Variants in LOXHD1 observed in about 807,000 individuals in gnomAD.
The protein encoded by LOXHD1 is lipoxygenase homology PLAT domains 1, also known as lipoxygenase homology domain-containing protein 1.
LOXHD1 carries 205 observed loss-of-function variants against 248.2 expected under a neutral mutation model. The ratio of observed to expected loss-of-function variants is 0.83; its 90% CI spans 0.74 to 0.93. The LOEUF (loss-of-function observed/expected upper bound fraction) is 0.93, where lower values mean the gene tolerates loss of function less well. Among genes scored for constraint, LOXHD1 ranks in the 40% least tolerant of loss-of-function variants. LOXHD1 has a pLI of 0.00. For synonymous variants in LOXHD1, 1,113 were observed against 1,162.8 expected, an observed-to-expected ratio of 0.96 and a Z score of 0.87; for missense variants, 2,930 against 2,971.6, an observed-to-expected ratio of 0.99 and a Z score of 0.33.
chr18:46,482,263 A>G (rs1013762641), intron 40 of LOXHD1, among the ~76,000 whole-genome samples: 7 of 152,202 alleles, frequency 4.6e-5, no homozygotes, highest in Non-Finnish European at 7.4e-5. Flanking sequence ...GGAACCCCCA[A>G]TGCCATGGTA....
In LOXHD1 at chr18:46,557,438, G is replaced by A. The variant is rs923695698; in HGVS notation, c.3268C>T (p.Arg1090Trp). The A allele has an allele frequency of 6.4e-7, 1 of 1,552,152 alleles. No individual in the cohort carries two copies. Among genetic ancestry groups the A allele is most frequent in the Non-Finnish European group, 8.7e-7 (1 of 1,147,108 alleles). Residue 1090 changes from arginine to tryptophan, a missense_variant, in exon 21 of 41, where the codon CGG becomes TGG. Coordinates refer to ENST00000642948, the MANE Select transcript of LOXHD1 (RefSeq NM_001384474.1). ...TTGCCTGTGTTGTCGTGGCGAATCC[G>A]AATCTTGGTCAGGGCCCCCAGGTCA... ...AIDLGALTKI[R>W]IRHDNTGNRA...
chr18:46,622,942 A>G (rs889203263), intron 4 of LOXHD1, among the ~76,000 whole-genome samples: 1 of 152,208 alleles, frequency 6.6e-6, no homozygotes, highest in Non-Finnish European at 1.5e-5. Flanking sequence ...GTTGGAAGAG[A>G]GGCTAGCACT....
chr18:46,480,648 G>A (rs2032483594), intron 40 of LOXHD1, among the ~76,000 whole-genome samples: 1 of 152,170 alleles, frequency 6.6e-6, no homozygotes, highest in South Asian at 2.1e-4. Flanking sequence ...AGAAAGGGGG[G>A]AAGGTGTCCA....
chr18:46,597,542 G>GCACACA (rs1491182198), intron 8 of LOXHD1, among the ~76,000 whole-genome samples: 886 of 61,118 alleles, frequency 0.014, 5 homozygotes, highest in Middle Eastern at 0.04. Flanking sequence ...AGTGGTACAT[G>GCACACA]CGCACACACA....
At chr18:46,516,514 G>T (rs992446623) in intron 34 of LOXHD1, among the ~76,000 whole-genome samples, 1 of 152,116 alleles carries the variant, frequency 6.6e-6, no homozygotes, top group Non-Finnish European at 1.5e-5. Flanking sequence ...GAGCTGCTCC[G>T]TCCATGAAAA....
At chr18:46,532,637 C>T (rs980479866) in intron 28 of LOXHD1, among the ~76,000 whole-genome samples, 4 of 152,162 alleles carry the variant, frequency 2.6e-5, no homozygotes, top group South Asian at 2.1e-4. Context: ...GAAGAATGGA[C>T]GTGTTAACCA....
intron 22 of LOXHD1, 60 bp from the exon 23 acceptor site, chr18:46,545,481 A>G (rs866372213): frequency 3.9e-6 from 5 of 1,289,868 alleles, no homozygotes; most frequent in South Asian, 2.5e-5. Flanking sequence ...GAAAGGAGGA[A>G]AGAGGACAGC....
intron 37 of LOXHD1, among the ~76,000 whole-genome samples, chr18:46,502,430 G>A (rs2034292417): frequency 1.3e-5 from 2 of 152,190 alleles, no homozygotes; most frequent in Admixed American, 1.3e-4. Context: ...AAGCAGAGAT[G>A]AGCTCTGATC....
At chr18:46,560,676 CTGTGCTCAGA>C in intron 18 of LOXHD1, 131 bp from the exon 19 acceptor site, 1 of 837,470 alleles carries the variant, frequency 1.2e-6, no homozygotes, top group Non-Finnish European at 1.8e-6. Flanking sequence ...GCTGGGGCCT[CTGTGCTCAGA>C]TCCTTCCACC....
chr18:46,566,671 C>T (rs113316287), intron 16 of LOXHD1, among the ~76,000 whole-genome samples: 5,882 of 152,276 alleles, frequency 0.039, 139 homozygotes, highest in Non-Finnish European at 0.061. Context: ...ATTCCCTTCT[C>T]CTAAGCCCAG....
chr18:46,566,568 A>ACCT, intron 16 of LOXHD1, 119 bp from the exon 17 acceptor site: 1 of 876,422 alleles, frequency 1.1e-6, no homozygotes, highest in Non-Finnish European at 1.8e-6. Flanking sequence ...TCCCCAGGAG[A>ACCT]GGGAAGATCC....
At chr18:46,601,698 G>C (rs1045118404) in intron 7 of LOXHD1, 30 of 542,810 alleles carry the variant, frequency 5.5e-5, no homozygotes, top group Non-Finnish European at 6.6e-5. Context: ...TAAACCGCAC[G>C]TATTATTACA....
intron 36 of LOXHD1, 119 bp downstream of exon 36, chr18:46,507,419 T>C: frequency 1.8e-6 from 2 of 1,094,918 alleles, no homozygotes. Flanking sequence ...AAACTTGGAT[T>C]GACTAGATTT....
At chr18:46,587,263 A>G (rs916301523) in intron 12 of LOXHD1, among the ~76,000 whole-genome samples, 1 of 152,228 alleles carries the variant, frequency 6.6e-6, no homozygotes, top group African/African-American at 2.4e-5. Flanking sequence ...AGTGAGAGGA[A>G]AGAACAGCTG....
intron 37 of LOXHD1, among the ~76,000 whole-genome samples, chr18:46,497,606 T>C (rs2033954245): frequency 6.6e-6 from 1 of 152,024 alleles, no homozygotes. Context: ...AACTGAAGCA[T>C]AAAAAGACAG....
chr18:46,575,882 C>T (rs1051115259), intron 14 of LOXHD1, among the ~76,000 whole-genome samples: 20 of 152,212 alleles, frequency 1.3e-4, no homozygotes, highest in Non-Finnish European at 5.9e-5. Flanking sequence ...GACAGGCCTT[C>T]CTCGCATGCA....
At chr18:46,592,733 T>A (rs2038194561) in intron 10 of LOXHD1, 149 bp from the exon 11 acceptor site, 6 of 680,976 alleles carry the variant, frequency 8.8e-6, no homozygotes, top group Non-Finnish European at 1.5e-5. Context: ...CCCTCACATA[T>A]TTTATCTTCT....
At chr18:46,529,081 G>A in intron 29 of LOXHD1, 96 bp downstream of exon 29, 1 of 1,441,796 alleles carries the variant, frequency 6.9e-7, no homozygotes, top group Non-Finnish European at 9.4e-7. Flanking sequence ...GCCCCATGGA[G>A]TTCCTGGATG....
intron 38 of LOXHD1, among the ~76,000 whole-genome samples, chr18:46,487,966 A>G (rs957962053): frequency 1.3e-5 from 2 of 151,986 alleles, no homozygotes; most frequent in Non-Finnish European, 2.9e-5. Flanking sequence ...TTTCTGTTTG[A>G]CTCCATTGGG....
Sources: allele counts gnomAD v4.1 joint callset (sites outside exome capture counted in the v4.1 genomes callset), GRCh38; gene constraint gnomAD v4.1.1; transcripts MANE v1.5; gene names NCBI Gene and HGNC (gene_info 2026-07-23, HGNC 2026-07-21).